The following GPR55 variants were observed in gnomAD, a reference collection of about 807,000 sequenced individuals.
GPR55 encodes the protein G-protein coupled receptor 55.
A neutral mutation model predicts 7.9 loss-of-function variants in GPR55; 6 were observed. The ratio of observed to expected loss-of-function variants is 0.76; its 90% confidence interval spans 0.41 to 1.49. The LOEUF (loss-of-function observed/expected upper bound fraction) is 1.49, where lower values mean the gene tolerates loss of function less well. Ranked by LOEUF, GPR55 falls within the 40% of genes most tolerant of loss-of-function variation. GPR55 has a pLI of 0.01. For synonymous variants in GPR55, 183 were observed against 166.8 expected (o/e 1.10, Z -0.75); for missense variants, 376 against 406.0 (o/e 0.93, Z 0.63).
At position 230,907,932 on chromosome 2, in the gene GPR55, C is replaced by T. The variant is rs1033550097; in HGVS notation, c.*2071G>A. The T allele has an allele frequency of 6.6e-6, 1 of 152,244 alleles. No homozygotes were observed. Among genetic ancestry groups the T allele is most frequent in the Admixed American group, 6.5e-5 (1 of 15,288 alleles). 9.4% of individuals were successfully genotyped at this position (152,244 alleles called of 1,614,324 possible). A position where few individuals can be genotyped will look rare whatever the true frequency, so the allele number is the denominator to read the frequency against. Reference sequence around the variant, plus strand: ...ACTCCACCAGGCAGGCTCCCAACTCCTCGTGCAGAGAAAGAAGTGGGAGGA... The same window carrying T: ...ACTCCACCAGGCAGGCTCCCAACTCTTCGTGCAGAGAAAGAAGTGGGAGGA... On this transcript the variant is annotated 3_prime_UTR_variant, in exon 2 of 2. Transcript: ENST00000650999.
At chr2:230,911,882 G>A (rs915747926) in intron 1 of GPR55, among the ~76,000 whole-genome samples, 3 of 152,172 alleles carry the variant, frequency 2.0e-5, no homozygotes, top group Admixed American at 6.5e-5. Context: ...GGTGTGGTCC[G>A]AGCCTGGTCA....
At chr2:230,914,530 CA>C (rs1013993500) in intron 1 of GPR55, among the ~76,000 whole-genome samples, 2 of 147,954 alleles carry the variant, frequency 1.4e-5, no homozygotes, top group African/African-American at 5.3e-5. Context: ...TCAAAAAAAT[CA>C]GAAGCCTCAC....
chr2:230,910,551 T>C lies in GPR55; in HGVS notation c.412A>G (p.Ile138Val). The C allele has an allele frequency of 6.2e-7, 1 of 1,613,930 alleles. No individual in the cohort carries two copies. Among genetic ancestry groups the C allele is most frequent in the Non-Finnish European group, 8.5e-7 (1 of 1,179,850 alleles). Residue 138 changes from isoleucine to valine, a missense_variant, in exon 2 of 2, where the codon ATC (isoleucine) becomes GTC (valine). Ile to Val is a conservative substitution (Grantham distance 29, BLOSUM62 3). Coordinates refer to ENST00000650999, the MANE Select transcript of GPR55 (RefSeq NM_005683.4). The surrounding 1 kb of genome is among the most constrained non-coding windows in gnomAD (Gnocchi z 5.4). ...LVSHLRSPRK[I>V]FGICCTIWVL... ...CAGATGGTGCAGCAGATCCCAAAGA[T>C]CTTCCTGGGGGACCGGAGGTGGCTC...
intron 1 of GPR55, among the ~76,000 whole-genome samples, chr2:230,934,731 A>C (rs760610731): frequency 6.6e-6 from 1 of 152,072 alleles, no homozygotes. Flanking sequence ...GTTTGCCCAG[A>C]ATGGATGGGA....
At chr2:230,945,979 A>C (rs1318456001) in intron 1 of GPR55, among the ~76,000 whole-genome samples, 1 of 152,252 alleles carries the variant, frequency 6.6e-6, no homozygotes, top group Non-Finnish European at 1.5e-5. Flanking sequence ...CTAAGTGTCC[A>C]TCAGTGGATG....
intron 1 of GPR55, among the ~76,000 whole-genome samples, chr2:230,914,091 G>A (rs958422942): frequency 2.0e-5 from 3 of 152,214 alleles, no homozygotes; most frequent in Non-Finnish European, 4.4e-5. Context: ...CGTATTGCTG[G>A]TGGTTCAAAG....
At chr2:230,926,747 T>A (rs1045252656), upstream of GPR55, among the ~76,000 whole-genome samples, 5 of 144,336 alleles carry the variant, frequency 3.5e-5, no homozygotes, top group African/African-American at 1.3e-4. Flanking sequence ...TGCAGTGCAG[T>A]GGCACTATCT....
rs1253680715 is a variant in GPR55, at chr2:230,944,273, A to T, written c.-135+16502T>A. Reference sequence around the variant, plus strand: ...CCACATCCCTCCAACGTGTGCCCACATGACTGTCCCGGGGGCTTCCATGAG... The same window carrying T: ...CCACATCCCTCCAACGTGTGCCCACTTGACTGTCCCGGGGGCTTCCATGAG... On this transcript the variant is annotated intron_variant, in intron 1 of 1. Transcript: ENST00000392039. This position sits in a 1 kb window ranked among gnomAD's most constrained non-coding sequence, Gnocchi z 4.2. 6.6e-6 allele frequency among the ~76,000 whole-genome samples: 1 copy of T among 152,220 alleles called. No individual in the cohort carries two copies. The highest frequency in any genetic ancestry group is 1.5e-5 in the Non-Finnish European group (1 of 68,042).
Position 230,930,844 on chromosome 2 carries a change from A to G in GPR55, c.-134-19748T>C, listed in dbSNP as rs533687494. On this transcript the variant is annotated intron_variant, in intron 1 of 1. Transcript: ENST00000392039. The stretch of plus-strand genomic sequence containing the variant: ...ATGAATTATCCTGTAGCACTTTAAT[A>G]ATGAACCTATCTTCACCCTTCTGTA... Among the ~76,000 whole-genome samples the G allele has an allele frequency of 5.3e-5, 8 of 152,312 alleles. No homozygotes were observed. In the East Asian group the frequency reaches 9.6e-4, roughly 18 times the overall value.
chr2:230,942,778 G>T (rs901186754), intron 1 of GPR55, among the ~76,000 whole-genome samples: 4 of 151,928 alleles, frequency 2.6e-5, no homozygotes, highest in African/African-American at 9.7e-5. Context: ...AGACCCAGAA[G>T]AAGGAACCCC....
intron 1 of GPR55, among the ~76,000 whole-genome samples, chr2:230,911,867 A>G (rs1399340213): frequency 6.6e-6 from 1 of 152,186 alleles, no homozygotes; most frequent in Non-Finnish European, 1.5e-5. Flanking sequence ...GTGTGGTTGC[A>G]CAGGGGTGTG....
At chr2:230,930,982 G>C (rs992563580) in intron 1 of GPR55, among the ~76,000 whole-genome samples, 2 of 152,024 alleles carry the variant, frequency 1.3e-5, no homozygotes, top group Non-Finnish European at 2.9e-5. Context: ...ATACTGAGGG[G>C]CTGACAGGTG....
intron 1 of GPR55, among the ~76,000 whole-genome samples, chr2:230,922,647 C>T (rs895880810): frequency 6.6e-6 from 1 of 151,490 alleles, no homozygotes; most frequent in African/African-American, 2.4e-5. Context: ...GTGATCTCGG[C>T]TCACTGCAAC....
Position 230,924,200 on chromosome 2 carries a change from A to G in GPR55, c.-135+968T>C, listed in dbSNP as rs976230624. Among the ~76,000 whole-genome samples the G allele has an allele frequency of 1.3e-5, 2 of 152,198 alleles. No individual in the cohort carries two copies. Among genetic ancestry groups the G allele is most frequent in the African/African-American group, 2.4e-5 (1 of 41,448 alleles). ...GTCTTATTGCATGAAAGAGGGGGTG[A>G]AGAAATGACGGAACAAATGGCCAGG... is the stretch of plus-strand genomic sequence containing the variant. On this transcript the variant is annotated intron_variant, in intron 1 of 1. Transcript: ENST00000650999. This position sits in a 1 kb window ranked among gnomAD's most constrained non-coding sequence, Gnocchi z 4.5.
intron 1 of GPR55, among the ~76,000 whole-genome samples, chr2:230,917,814 A>G (rs1343116316): frequency 6.6e-6 from 1 of 152,170 alleles, no homozygotes; most frequent in East Asian, 1.9e-4. Context: ...GACCCTGTTT[A>G]TATAAATTCT....
At position 230,908,215 on chromosome 2, in the gene GPR55, A is replaced by G. The variant is rs1690498751; in HGVS notation, c.*1788T>C. The G allele has an allele frequency of 6.6e-6, 1 of 152,464 alleles. No homozygotes were observed. The highest frequency in any genetic ancestry group is 1.5e-5 in the Non-Finnish European group (1 of 68,392). The allele number at this position is 152,464 out of a possible 1,614,324, so 9.4% of individuals were successfully genotyped here. On this transcript the variant is annotated 3_prime_UTR_variant, in exon 2 of 2. Coordinates refer to ENST00000650999, the MANE Select transcript of GPR55 (RefSeq NM_005683.4). The stretch of plus-strand genomic sequence containing the variant: ...CCAGCTCAGGGGGCCTGAGCCTCCG[A>G]TCCCTCTGGTCTGGTCTGGTCTGGT...
chr2:230,955,723 T>G (rs1445520867), intron 1 of GPR55, among the ~76,000 whole-genome samples: 1 of 152,176 alleles, frequency 6.6e-6, no homozygotes, highest in Non-Finnish European at 1.5e-5. Context: ...TTGTTTTGTT[T>G]TGTTTTGTTT....
chr2:230,945,968 C>T (rs1691306519), intron 1 of GPR55, among the ~76,000 whole-genome samples: 1 of 152,106 alleles, frequency 6.6e-6, no homozygotes, highest in Admixed American at 6.5e-5. Context: ...AGGGAAACAG[C>T]CTAAGTGTCC....
chr2:230,934,641 C>T (rs1691104192), intron 1 of GPR55, among the ~76,000 whole-genome samples: 1 of 152,190 alleles, frequency 6.6e-6, no homozygotes, highest in East Asian at 1.9e-4. Context: ...TCAGCCTCCC[C>T]TGGGGAAGAT....
Sources: allele counts gnomAD v4.1 joint callset (sites outside exome capture counted in the v4.1 genomes callset), GRCh38; gene constraint gnomAD v4.1.1; non-coding constraint Gnocchi (gnomAD v3.1); transcripts MANE v1.5; gene names NCBI Gene and HGNC (gene_info 2026-07-23, HGNC 2026-07-21).